Variants in DMXL2 observed in about 807,000 individuals in gnomAD.
The protein encoded by DMXL2 is dmX-like protein 2.
In DMXL2, 103 loss-of-function variants were observed where a neutral mutation model predicts 331.1. That is an observed-to-expected ratio of 0.31 (90% CI 0.27 to 0.37). DMXL2 has a LOEUF of 0.37. DMXL2 is among the 10% of genes least tolerant of loss of function. The pLI is 1.00. For missense variants in DMXL2, 3,171 were observed against 3,642.9 expected (o/e 0.87, Z 3.33); for synonymous variants, 1,281 against 1,252.1 (o/e 1.02, Z -0.49).
intron 1 of DMXL2, 81 bp from the exon 2 acceptor site, chr15:51,576,262 AG>A: frequency 9.3e-7 from 1 of 1,073,738 alleles, no homozygotes; most frequent in Non-Finnish European, 1.3e-6. Flanking sequence ...ATTTTATCTT[AG>A]ATTTTATTGC....
intron 18 of DMXL2, among the ~76,000 whole-genome samples, chr15:51,496,929 T>C (rs1251863930): frequency 1.3e-5 from 2 of 152,234 alleles, no homozygotes; most frequent in African/African-American, 4.8e-5. Context: ...CATTCATTCC[T>C]GCCTTATTAC....
At chr15:51,610,515 T>C (rs1437355267) in intron 1 of DMXL2, among the ~76,000 whole-genome samples, 1 of 152,184 alleles carries the variant, frequency 6.6e-6, no homozygotes, top group Non-Finnish European at 1.5e-5. Flanking sequence ...ACGCCTGTAA[T>C]CCCAGAACTT....
chr15:51,475,821 G>T (rs72729262), intron 27 of DMXL2, among the ~76,000 whole-genome samples: 7 of 152,260 alleles, frequency 4.6e-5, no homozygotes, highest in Non-Finnish European at 8.8e-5. Context: ...TGTTTAGATG[G>T]AAAGGGATAT....
intron 6 of DMXL2, among the ~76,000 whole-genome samples, chr15:51,560,721 C>T (rs2049912370): frequency 6.7e-6 from 1 of 149,840 alleles, no homozygotes; most frequent in South Asian, 2.1e-4. Context: ...CTGTTAAGTT[C>T]AGAACTGTGG....
intron 16 of DMXL2, among the ~76,000 whole-genome samples, chr15:51,506,340 C>G (rs548521244): frequency 6.6e-6 from 1 of 151,668 alleles, no homozygotes. Flanking sequence ...TGGGATTATA[C>G]GCATGAGCCA....
intron 13 of DMXL2, 105 bp from the exon 14 acceptor site, chr15:51,517,272 T>C: frequency 1.3e-6 from 1 of 762,556 alleles, no homozygotes; most frequent in Non-Finnish European, 2.3e-6. Context: ...TATTCACTGA[T>C]TGGCAATGGA....
At position 51,453,612 on chromosome 15, in the gene DMXL2, A is replaced by G; in HGVS notation, c.8634T>C (p.Ser2878=). 6.2e-7 allele frequency: 1 copy of G among 1,613,888 alleles called. No homozygotes were observed. The highest frequency in any genetic ancestry group is 8.5e-7 in the Non-Finnish European group (1 of 1,179,900). Residue 2878 remains serine (S), a synonymous_variant, in exon 41 of 44, where the codon AGT becomes AGC. Coordinates refer to ENST00000560891, the MANE Select transcript of DMXL2 (RefSeq NM_001378457.1). ...MSWQCHSKAT[S]DFAFITSSSL... Reference sequence around the variant, plus strand: ...TTGAAGAGGTAATAAATGCAAAGTCACTTGTGGCTTTACTGTGGCACTGCC... The same window carrying G: ...TTGAAGAGGTAATAAATGCAAAGTCGCTTGTGGCTTTACTGTGGCACTGCC...
At chr15:51,582,153 TC>T (rs1222300260) in intron 1 of DMXL2, among the ~76,000 whole-genome samples, 1 of 152,126 alleles carries the variant, frequency 6.6e-6, no homozygotes, top group Non-Finnish European at 1.5e-5. Context: ...CTATTTTCAT[TC>T]TATATTCCTA....
intron 1 of DMXL2, among the ~76,000 whole-genome samples, chr15:51,589,221 G>A (rs953139299): frequency 6.6e-5 from 10 of 152,108 alleles, no homozygotes; most frequent in Admixed American, 3.9e-4. Context: ...TCAGAAATAA[G>A]GCAACTATTA....
intron 15 of DMXL2, among the ~76,000 whole-genome samples, chr15:51,508,935 G>C (rs1359097918): frequency 1.3e-5 from 2 of 152,042 alleles, no homozygotes; most frequent in African/African-American, 2.4e-5. Context: ...ATATTCAATG[G>C]AAGAAGCCAT....
At chr15:51,518,689 T>C (rs772440621) in intron 13 of DMXL2, among the ~76,000 whole-genome samples, 34 of 152,230 alleles carry the variant, frequency 2.2e-4, no homozygotes, top group Non-Finnish European at 2.8e-4. Flanking sequence ...CCCACAGAGA[T>C]TGAGGTGCTT....
intron 40 of DMXL2, among the ~76,000 whole-genome samples, chr15:51,454,519 C>T (rs546503257): frequency 8.6e-5 from 13 of 151,986 alleles, no homozygotes; most frequent in Admixed American, 6.5e-5. Flanking sequence ...TTTTCTGAGA[C>T]GAAGTCTCAC....
intron 1 of DMXL2, among the ~76,000 whole-genome samples, chr15:51,608,699 CACAACTT>C (rs1361848857): frequency 5.9e-5 from 9 of 152,038 alleles, no homozygotes; most frequent in African/African-American, 2.2e-4. Context: ...CCAAGCAACA[CACAACTT>C]ACCTGTATAA....
intron 1 of DMXL2, among the ~76,000 whole-genome samples, chr15:51,590,730 A>G (rs1468759210): frequency 6.6e-6 from 1 of 152,148 alleles, no homozygotes; most frequent in Non-Finnish European, 1.5e-5. Flanking sequence ...TCATAATACG[A>G]TAACTGCTAA....
At chr15:51,505,375 C>T (rs1414165062) in intron 16 of DMXL2, among the ~76,000 whole-genome samples, 1 of 152,224 alleles carries the variant, frequency 6.6e-6, no homozygotes, top group African/African-American at 2.4e-5. Context: ...GAGACACACG[C>T]TTCATAAGCA....
At position 51,456,092 on chromosome 15, in the gene DMXL2, A is replaced by G. The variant is rs753510400; in HGVS notation, c.8500T>C (p.Leu2834=). ...RQAGNARVTR[L]YFNSQGNKCG... Reference sequence around the variant, plus strand: ...TTGTTGCCTTGTGAATTAAAATATAATCTAGTAACTCTTGCATTGCCAGCT... The same window carrying G: ...TTGTTGCCTTGTGAATTAAAATATAGTCTAGTAACTCTTGCATTGCCAGCT... The change falls in exon 39 of 44, where the codon TTA becomes CTA. Residue 2834 remains leucine (L), a synonymous_variant. Transcript: ENST00000560891. 1 of 1,614,192 alleles carries G rather than the reference A, an allele frequency of 6.2e-7. No individual in the cohort carries two copies. Among genetic ancestry groups the G allele is most frequent in the South Asian group, 1.1e-5 (1 of 91,086 alleles).
chr15:51,454,528 A>G (rs2039443876), intron 40 of DMXL2, among the ~76,000 whole-genome samples: 1 of 152,084 alleles, frequency 6.6e-6, no homozygotes. Context: ...ACGAAGTCTC[A>G]CTCTGTTGCC....
chr15:51,476,998 A>G (rs1331655183), intron 26 of DMXL2, among the ~76,000 whole-genome samples: 1 of 151,946 alleles, frequency 6.6e-6, no homozygotes, highest in Non-Finnish European at 1.5e-5. Context: ...AATCTTTTCT[A>G]TTTGCAGTAA....
rs117584991 is a variant in DMXL2, at chr15:51,590,637, C to T, written c.88-14456G>A. On this transcript the variant is annotated intron_variant, in intron 1 of 43. Transcript: ENST00000560891. Reference sequence around the variant, plus strand: ...CAAACTCCTAGGCTCAGGTGATCCTCCCACCTCAGCCTCCCAAGTAGCTGA... The same window carrying T: ...CAAACTCCTAGGCTCAGGTGATCCTTCCACCTCAGCCTCCCAAGTAGCTGA... 3.6e-3 allele frequency among the ~76,000 whole-genome samples: 549 copies of T among 152,196 alleles called. 5 individuals carry two copies. Among genetic ancestry groups the T allele is most frequent in the Middle Eastern group, 6.8e-3 (2 of 294 alleles).
Sources: allele counts gnomAD v4.1 joint callset (sites outside exome capture counted in the v4.1 genomes callset), GRCh38; gene constraint gnomAD v4.1.1; transcripts MANE v1.5; gene names NCBI Gene and HGNC (gene_info 2026-07-23, HGNC 2026-07-21).